Variants in SLC24A3 observed in about 807,000 individuals in gnomAD.
SLC24A3 encodes solute carrier family 24 member 3, also known as sodium/potassium/calcium exchanger 3.
In SLC24A3, 28 loss-of-function variants were observed where a neutral mutation model predicts 75.8. The ratio of observed to expected loss-of-function variants is 0.37; its 90% CI spans 0.27 to 0.51. SLC24A3 has a LOEUF of 0.51. SLC24A3 is among the 20% of genes least tolerant of loss of function. The pLI is 0.94. For synonymous variants in SLC24A3, 372 were observed against 334.1 expected, an observed-to-expected ratio of 1.11 and a Z score of -1.24; for missense variants, 663 against 847.8, an observed-to-expected ratio of 0.78 and a Z score of 2.71.
rs1033005593 is a variant in SLC24A3 at position 19,633,579 on chromosome 20, G to A, written c.613-20483G>A. On this transcript the variant is annotated intron_variant, in intron 6 of 16. Coordinates refer to ENST00000328041, the MANE Select transcript of SLC24A3 (RefSeq NM_020689.4). ...CAGGAGAATGGCGTGAACCCGGGAG[G>A]CGGAGCTTGCAGTGAGCCGAGATCC... is the stretch of plus-strand genomic sequence containing the variant. Among the ~76,000 whole-genome samples, 20 of 149,726 alleles carry A rather than the reference G, an allele frequency of 1.3e-4. No homozygotes were observed. The South Asian group carries it at 3.2e-3, about 24-fold the overall frequency.
intron 2 of SLC24A3, among the ~76,000 whole-genome samples, chr20:19,320,962 T>G (rs958179539): frequency 2.0e-5 from 3 of 152,062 alleles, no homozygotes; most frequent in African/African-American, 7.2e-5. Context: ...CACATATATA[T>G]GTATTGAATA....
At chr20:19,351,507 A>G (rs1327603012) in intron 2 of SLC24A3, among the ~76,000 whole-genome samples, 1 of 151,994 alleles carries the variant, frequency 6.6e-6, no homozygotes, top group Non-Finnish European at 1.5e-5. Context: ...CAACTTGGAG[A>G]GCTTTTCCAA....
chr20:19,343,446 C>T (rs1985320950), intron 2 of SLC24A3, among the ~76,000 whole-genome samples: 1 of 152,096 alleles, frequency 6.6e-6, no homozygotes, highest in Non-Finnish European at 1.5e-5. Context: ...CAATTAGACC[C>T]CTCACCTGGA....
At chr20:19,569,912 A>T (rs2031025272) in intron 3 of SLC24A3, among the ~76,000 whole-genome samples, 1 of 152,212 alleles carries the variant, frequency 6.6e-6, no homozygotes. Flanking sequence ...AATTCTCTTC[A>T]GTTAGAAAAG....
intron 9 of SLC24A3, among the ~76,000 whole-genome samples, chr20:19,679,857 ATGTGTGTGCATGTG>A (rs2032589806): frequency 1.4e-5 from 2 of 148,140 alleles, no homozygotes; most frequent in African/African-American, 2.6e-5. Context: ...CTGTGTCTGT[ATGTGTGTGCATGTG>A]TGTGTGTGCA....
intron 2 of SLC24A3, among the ~76,000 whole-genome samples, chr20:19,425,793 G>A (rs1015262531): frequency 2.6e-5 from 4 of 152,038 alleles, no homozygotes; most frequent in Admixed American, 6.6e-5. Context: ...TTTATTCAAT[G>A]CATTATAATT....
chr20:19,364,966 C>G (rs1985862110), intron 2 of SLC24A3, among the ~76,000 whole-genome samples: 1 of 152,066 alleles, frequency 6.6e-6, no homozygotes, highest in Non-Finnish European at 1.5e-5. Context: ...GTAAGTTCAC[C>G]CAGGGATGCA....
At chr20:19,600,995 C>T (rs1384561214) in intron 6 of SLC24A3, among the ~76,000 whole-genome samples, 2 of 152,178 alleles carry the variant, frequency 1.3e-5, no homozygotes, top group Admixed American at 1.3e-4. Context: ...TGGAGGCTAA[C>T]TGCCCACATT....
At chr20:19,685,430 A>C in intron 12 of SLC24A3, 69 bp downstream of exon 12, 1 of 1,562,046 alleles carries the variant, frequency 6.4e-7, no homozygotes, top group South Asian at 1.2e-5. Flanking sequence ...CCCTTGACTT[A>C]GATTATCTTT....
chr20:19,578,333 G>T (rs760499173), intron 3 of SLC24A3, among the ~76,000 whole-genome samples: 1 of 151,290 alleles, frequency 6.6e-6, no homozygotes, highest in Non-Finnish European at 1.5e-5. Flanking sequence ...GTATGCATGC[G>T]TGTGTGTGTG....
intron 2 of SLC24A3, among the ~76,000 whole-genome samples, chr20:19,304,412 A>C (rs919671222): frequency 6.6e-6 from 1 of 152,154 alleles, no homozygotes; most frequent in Non-Finnish European, 1.5e-5. Context: ...AATTTACCAG[A>C]AAACCTGAGC....
chr20:19,644,275 C>T (rs2032109692), intron 6 of SLC24A3, among the ~76,000 whole-genome samples: 1 of 152,134 alleles, frequency 6.6e-6, no homozygotes, highest in South Asian at 2.1e-4. Flanking sequence ...TTTGCATTTC[C>T]AGTTTCATGG....
chr20:19,470,822 C>G (rs1461397657), intron 2 of SLC24A3, among the ~76,000 whole-genome samples: 1 of 152,174 alleles, frequency 6.6e-6, no homozygotes, highest in Non-Finnish European at 1.5e-5. Context: ...CACGTAGACC[C>G]AGACATTTAG....
intron 1 of SLC24A3, among the ~76,000 whole-genome samples, chr20:19,268,515 A>G (rs1349234078): frequency 6.6e-6 from 1 of 152,212 alleles, no homozygotes; most frequent in African/African-American, 2.4e-5. Context: ...CAGCTCATTC[A>G]TGCTTTTTAA....
chr20:19,356,993 G>A (rs1216793351), intron 2 of SLC24A3, among the ~76,000 whole-genome samples: 1 of 152,100 alleles, frequency 6.6e-6, no homozygotes, highest in East Asian at 1.9e-4. Flanking sequence ...CTAATCCCTG[G>A]AACCTGTGAA....
At chr20:19,490,727 G>C (rs1600251081) in intron 2 of SLC24A3, among the ~76,000 whole-genome samples, 1 of 152,148 alleles carries the variant, frequency 6.6e-6, no homozygotes, top group African/African-American at 2.4e-5. Flanking sequence ...AGGGATGTGG[G>C]ATTTCATGTG....
intron 2 of SLC24A3, among the ~76,000 whole-genome samples, chr20:19,507,324 G>A (rs1446009289): frequency 2.6e-5 from 4 of 152,218 alleles, no homozygotes; most frequent in African/African-American, 7.2e-5. Flanking sequence ...ACGTGCAAAA[G>A]GCTGTAGGGA....
At chr20:19,646,755 C>T (rs1216287268) in intron 6 of SLC24A3, among the ~76,000 whole-genome samples, 2 of 152,034 alleles carry the variant, frequency 1.3e-5, no homozygotes, top group African/African-American at 4.8e-5. Context: ...AACACTACTC[C>T]TGATTTAAAA....
At chr20:19,328,947 G>A (rs1050106260) in intron 2 of SLC24A3, among the ~76,000 whole-genome samples, 7 of 152,320 alleles carry the variant, frequency 4.6e-5, no homozygotes, top group South Asian at 2.1e-4. Flanking sequence ...AGCAGCCATC[G>A]AGGCGGGAGG....
Sources: allele counts gnomAD v4.1 joint callset (sites outside exome capture counted in the v4.1 genomes callset), GRCh38; gene constraint gnomAD v4.1.1; transcripts MANE v1.5; gene names NCBI Gene and HGNC (gene_info 2026-07-23, HGNC 2026-07-21).